The following CENPW variants were observed in gnomAD, a reference collection of about 807,000 sequenced individuals.
CENPW encodes cancer-up-regulated gene 2 protein.
Under a neutral mutation model 11.1 loss-of-function variants are expected in CENPW, and 3 were observed. The ratio of observed to expected loss-of-function variants is 0.27; its 90% CI spans 0.12 to 0.70. The LOEUF is 0.70. CENPW is among the 30% of genes least tolerant of loss of function. The pLI is 0.77. For synonymous variants in CENPW, 38 were observed against 42.0 expected, an observed-to-expected ratio of 0.91 and a Z score of 0.37; for missense variants, 100 against 105.6, an observed-to-expected ratio of 0.95 and a Z score of 0.23.
chr6:126,381,098 G>A, the CENPW span, among the ~76,000 whole-genome samples: 112 of 152,282 alleles, frequency 7.4e-4, no homozygotes, highest in Non-Finnish European at 1.3e-3. Context: ...TCTTCAGCAA[G>A]AATCCCCCTT....
the CENPW span, among the ~76,000 whole-genome samples, chr6:126,418,096 C>A: frequency 6.6e-6 from 1 of 152,084 alleles, no homozygotes; most frequent in East Asian, 1.9e-4. Flanking sequence ...TAGACAATAC[C>A]AAGTGTTGGA....
chr6:126,465,541 G>A, the CENPW span, among the ~76,000 whole-genome samples: 8 of 152,002 alleles, frequency 5.3e-5, no homozygotes, highest in Non-Finnish European at 7.4e-5. Flanking sequence ...TAAAACTCAC[G>A]TGAACATTAA....
At chr6:126,429,842 C>G in the CENPW span, among the ~76,000 whole-genome samples, 1 of 152,162 alleles carries the variant, frequency 6.6e-6, no homozygotes, top group African/African-American at 2.4e-5. Flanking sequence ...ACATTGAGAA[C>G]AAAAAGTCCT....
At chr6:126,482,448 A>C in the CENPW span, among the ~76,000 whole-genome samples, 5 of 151,968 alleles carry the variant, frequency 3.3e-5, no homozygotes, top group Admixed American at 3.3e-4. Context: ...CATCATGACA[A>C]TAATGTTCTA....
the CENPW span, among the ~76,000 whole-genome samples, chr6:126,418,225 C>T: frequency 6.6e-6 from 1 of 152,156 alleles, no homozygotes; most frequent in South Asian, 2.1e-4. Flanking sequence ...TGCCATGTGA[C>T]CAGACAGTTC....
the CENPW span, among the ~76,000 whole-genome samples, chr6:126,476,299 T>C: frequency 6.6e-6 from 1 of 152,006 alleles, no homozygotes; most frequent in Non-Finnish European, 1.5e-5. Flanking sequence ...TTTCTTAAAA[T>C]ATTAATTTGG....
intron 1 of CENPW, among the ~76,000 whole-genome samples, chr6:126,344,061 A>T (rs1448380421): frequency 6.6e-6 from 1 of 152,124 alleles, no homozygotes; most frequent in Non-Finnish European, 1.5e-5. Context: ...GGGGAGATGT[A>T]GTGGGGTCTT....
At chr6:126,354,448 C>T in the CENPW span, among the ~76,000 whole-genome samples, 1 of 152,090 alleles carries the variant, frequency 6.6e-6, no homozygotes, top group Non-Finnish European at 1.5e-5. Flanking sequence ...TAGGTTGTTG[C>T]AAAAGTAATT....
chr6:126,368,621 C>T, the CENPW span, among the ~76,000 whole-genome samples: 6 of 150,772 alleles, frequency 4.0e-5, no homozygotes, highest in East Asian at 1.9e-4. Context: ...ACCCATCACC[C>T]GAGCAGTGTA....
At chr6:126,420,066 AG>A in the CENPW span, among the ~76,000 whole-genome samples, 1 of 152,206 alleles carries the variant, frequency 6.6e-6, no homozygotes, top group Non-Finnish European at 1.5e-5. Context: ...GATGCCATAA[AG>A]AACAGCTGAC....
the CENPW span, among the ~76,000 whole-genome samples, chr6:126,440,135 G>A: frequency 2.0e-5 from 3 of 151,740 alleles, no homozygotes; most frequent in African/African-American, 7.2e-5. Context: ...GATTTTACAT[G>A]TATGTAGGTA....
At chr6:126,469,175 A>C in the CENPW span, among the ~76,000 whole-genome samples, 4 of 152,092 alleles carry the variant, frequency 2.6e-5, no homozygotes, top group Non-Finnish European at 5.9e-5. Flanking sequence ...TTTAATCCCC[A>C]CATGAGAAAG....
the CENPW span, among the ~76,000 whole-genome samples, chr6:126,423,492 A>G: frequency 6.6e-6 from 1 of 152,150 alleles, no homozygotes. Context: ...TAAAGTCTAC[A>G]TCCATATGAT....
chr6:126,442,284 T>C, the CENPW span, among the ~76,000 whole-genome samples: 2 of 151,416 alleles, frequency 1.3e-5, no homozygotes, highest in Non-Finnish European at 3.0e-5. Flanking sequence ...ATCTTAGCCC[T>C]TTTTTTGATG....
chr6:126,466,118 A>T, the CENPW span, among the ~76,000 whole-genome samples: 1 of 152,154 alleles, frequency 6.6e-6, no homozygotes, highest in South Asian at 2.1e-4. Context: ...GCATTTTCAA[A>T]ACCTTTAGAA....
the CENPW span, among the ~76,000 whole-genome samples, chr6:126,377,760 T>G: frequency 1.3e-5 from 2 of 152,196 alleles, no homozygotes; most frequent in East Asian, 3.8e-4. Flanking sequence ...TCTTCCAAAG[T>G]CCAGATAATT....
Position 126,340,338 on chromosome 6 carries a change from T to C in CENPW, c.65T>C (p.Leu22Pro). 1 of 1,614,150 alleles carries C rather than the reference T, an allele frequency of 6.2e-7. No individual in the cohort carries two copies. Among genetic ancestry groups the C allele is most frequent in the Non-Finnish European group, 8.5e-7 (1 of 1,180,016 alleles). ...AAGCGGAAGGCTCCCCGTGGCTTTC[T>C]AAAGCGAGTCTTCAAGCGAAAGAAG... ...QIKRKAPRGF[L>P]KRVFKRKKPQ... Residue 22 changes from leucine (L) to proline (P), a missense_variant, in exon 1 of 3, where the codon CTA (leucine) becomes CCA (proline). Coordinates refer to ENST00000368328, the MANE Select transcript of CENPW (RefSeq NM_001012507.4).
chr6:126,452,973 C>G, the CENPW span, among the ~76,000 whole-genome samples: 14 of 151,000 alleles, frequency 9.3e-5, no homozygotes, highest in African/African-American at 3.4e-4. Context: ...AGAAGTGGGA[C>G]CACATATTTA....
chr6:126,476,512 T>C, the CENPW span, among the ~76,000 whole-genome samples: 1 of 151,946 alleles, frequency 6.6e-6, no homozygotes, highest in Non-Finnish European at 1.5e-5. Context: ...AAGTTAAACC[T>C]GCAATGAAAA....
Sources: gnomAD v4.1 joint callset for allele counts (sites outside exome capture counted in the v4.1 genomes callset) on GRCh38, gnomAD v4.1.1 for gene constraint, MANE v1.5 for transcripts, NCBI Gene and HGNC (gene_info 2026-07-23, HGNC 2026-07-21) for gene names.